The following PARD3 variants were observed in gnomAD, a reference collection of about 807,000 sequenced individuals.
PARD3 encodes par-3 family cell polarity regulator.
PARD3 carries 75 observed loss-of-function variants against 155.4 expected under a neutral mutation model. The observed-to-expected ratio is 0.48, with a 90% CI of 0.40 to 0.58. The LOEUF (loss-of-function observed/expected upper bound fraction) is 0.58, where lower values mean the gene tolerates loss of function less well. Among genes scored for constraint, PARD3 ranks in the 20% least tolerant of loss-of-function variants. The pLI, the probability that PARD3 is intolerant of heterozygous loss-of-function variation, is 0.00. For synonymous variants in PARD3, 576 were observed against 610.5 expected (o/e 0.94, Z 0.83); for missense variants, 1,642 against 1,721.7 (o/e 0.95, Z 0.82).
chr10:34,446,526 C>G (rs74399572), intron 5 of PARD3, among the ~76,000 whole-genome samples: 8 of 152,100 alleles, frequency 5.3e-5, no homozygotes, highest in African/African-American at 1.9e-4. Context: ...TGGTAAACAG[C>G]TAGTAACCAG....
intron 2 of PARD3, among the ~76,000 whole-genome samples, chr10:34,657,556 T>G (rs1289271292): frequency 8.3e-6 from 1 of 120,494 alleles, no homozygotes; most frequent in Non-Finnish European, 1.7e-5. Context: ...TTGTTTGTTT[T>G]GAGACGGAGT....
intron 1 of PARD3, among the ~76,000 whole-genome samples, chr10:34,759,745 A>C (rs1377748916): frequency 1.3e-5 from 2 of 152,228 alleles, no homozygotes; most frequent in Non-Finnish European, 2.9e-5. Context: ...TGCGGTAAAA[A>C]TACTACTGAA....
chr10:34,492,353 C>T (rs1228797930), intron 3 of PARD3, among the ~76,000 whole-genome samples: 1 of 152,106 alleles, frequency 6.6e-6, no homozygotes, highest in African/African-American at 2.4e-5. Context: ...TTCAAAACAC[C>T]GATTCAAACA....
Position 34,390,105 on chromosome 10 carries a change from C to T in PARD3, c.891-5851G>A, listed in dbSNP as rs576283216. Among the ~76,000 whole-genome samples the T allele has an allele frequency of 5.9e-5, 9 of 151,994 alleles. No individual in the cohort carries two copies. In the East Asian group the frequency reaches 7.7e-4, roughly 13 times the overall value. On this transcript the variant is annotated intron_variant, in intron 7 of 24. Coordinates refer to ENST00000374788, the MANE Select transcript of PARD3 (RefSeq NM_001184785.2). ...TGATTCAGCAAATAAAGTTAAATTG[C>T]GTTTTTTTCAAAAGTTATTAAATTA...
Position 34,336,497 on chromosome 10 carries a change from G to T in PARD3, c.2561-254C>A, listed in dbSNP as rs569180049. 2.2e-4 allele frequency among the ~76,000 whole-genome samples: 34 copies of T among 152,218 alleles called. No individual in the cohort carries two copies. The South Asian group carries it at 6.8e-3, about 31-fold the overall frequency. The stretch of plus-strand genomic sequence containing the variant: ...GCATATCATAATTAGCCAAGGCAAT[G>T]CATCACCAAATTTTTCTTTATGCGT... On this transcript the variant is annotated intron_variant, in intron 17 of 24. Coordinates refer to ENST00000374788, the MANE Select transcript of PARD3 (RefSeq NM_001184785.2).
chr10:34,671,470 T>C (rs998110540), intron 2 of PARD3, among the ~76,000 whole-genome samples: 4 of 152,208 alleles, frequency 2.6e-5, no homozygotes, highest in African/African-American at 7.2e-5. Context: ...AACTTTAAAA[T>C]TCTTTGGCAT....
chr10:34,234,585 T>C (rs1953116710), intron 22 of PARD3, among the ~76,000 whole-genome samples: 1 of 152,184 alleles, frequency 6.6e-6, no homozygotes, highest in African/African-American at 2.4e-5. Flanking sequence ...TTTGCATCCT[T>C]CAGTACTCAG....
At chr10:34,377,746 G>A (rs1841397287) in intron 10 of PARD3, among the ~76,000 whole-genome samples, 1 of 151,898 alleles carries the variant, frequency 6.6e-6, no homozygotes, top group African/African-American at 2.4e-5. Context: ...GGGCAACATA[G>A]CAAGACTCTG....
chr10:34,345,182 C>CA (rs1195749081), intron 15 of PARD3: 3 of 985,076 alleles, frequency 3.0e-6, no homozygotes, highest in Admixed American at 1.2e-4. Flanking sequence ...CATGGGATAT[C>CA]AGGACTTAGT....
chr10:34,678,748 T>C (rs1183080479), intron 2 of PARD3, among the ~76,000 whole-genome samples: 1 of 151,870 alleles, frequency 6.6e-6, no homozygotes, highest in African/African-American at 2.4e-5. Flanking sequence ...CAGGAAACTT[T>C]TTCAAAATAA....
intron 14 of PARD3, among the ~76,000 whole-genome samples, chr10:34,353,709 CAATAAATAAATAAATAAAAA>C (rs959939786): frequency 2.5e-4 from 25 of 99,350 alleles, no homozygotes; most frequent in African/African-American, 1.7e-3. Flanking sequence ...CAAGAATGAT[CAATAAATAAATAAATAAAAA>C]AATAAATAAA....
In PARD3 at chr10:34,230,563, T is replaced by G. The variant is rs1423127396; in HGVS notation, c.3419+39094A>C. ...TGGACTGGCTCTACCTCCTCCAAAT[T>G]ATTTTTCCTTTAGTCAACTGAATAC... On this transcript the variant is annotated intron_variant, in intron 22 of 24. Transcript: ENST00000374788. 2.0e-5 allele frequency among the ~76,000 whole-genome samples: 3 copies of G among 152,136 alleles called. No homozygotes were observed. The East Asian group carries it at 5.8e-4, about 29-fold the overall frequency.
chr10:34,117,120 C>T (rs12260479), intron 24 of PARD3, among the ~76,000 whole-genome samples: 5,162 of 152,300 alleles, frequency 0.034, 294 homozygotes, highest in African/African-American at 0.12. Context: ...CTTCCCGGCC[C>T]GCCCACCGCT....
chr10:34,283,587 T>C (rs1956252452), intron 21 of PARD3, among the ~76,000 whole-genome samples: 1 of 152,030 alleles, frequency 6.6e-6, no homozygotes, highest in South Asian at 2.1e-4. Flanking sequence ...CCGGAAGACA[T>C]GGAAAACTTA....
chr10:34,382,572 A>AT lies in PARD3; in HGVS notation c.1366dup (p.Ile456AsnfsTer6). The AT allele has an allele frequency of 6.2e-7, 1 of 1,613,322 alleles. No homozygotes were observed. Among genetic ancestry groups the AT allele is most frequent in the Non-Finnish European group, 8.5e-7 (1 of 1,179,918 alleles). On this transcript the variant is annotated frameshift_variant, in exon 9 of 25. Transcript: ENST00000374788. LOFTEE classifies it high-confidence loss of function. ...AAGCTGGATATTAAGCCTCTTGCCT[A>AT]TTTTTTTGGTGTTATAACCACTGCT...
At chr10:34,119,816 G>T in intron 23 of PARD3, 76 bp from the exon 24 acceptor site, 2 of 1,292,952 alleles carry the variant, frequency 1.5e-6, no homozygotes, top group South Asian at 1.9e-5. Flanking sequence ...ACTCCATTTC[G>T]ATTCTTATGA....
chr10:34,498,530 A>C (rs916768935), intron 3 of PARD3, among the ~76,000 whole-genome samples: 2 of 152,174 alleles, frequency 1.3e-5, no homozygotes, highest in East Asian at 3.9e-4. Context: ...TAATTTCAGC[A>C]CTTTGGGAGG....
chr10:34,213,498 C>T (rs1951852931), intron 22 of PARD3, among the ~76,000 whole-genome samples: 1 of 152,192 alleles, frequency 6.6e-6, no homozygotes, highest in South Asian at 2.1e-4. Flanking sequence ...GCAGATGAAG[C>T]CAACCTTTAT....
chr10:34,370,991 C>T (rs145806212), intron 12 of PARD3, among the ~76,000 whole-genome samples: 1 of 152,026 alleles, frequency 6.6e-6, no homozygotes, highest in Non-Finnish European at 1.5e-5. Context: ...ATTTGAAGTG[C>T]CATCTTTAAC....
Sources: gnomAD v4.1 joint callset for allele counts (sites outside exome capture counted in the v4.1 genomes callset) on GRCh38, gnomAD v4.1.1 for gene constraint, MANE v1.5 for transcripts, NCBI Gene and HGNC (gene_info 2026-07-23, HGNC 2026-07-21) for gene names.